FGF13: variants seen among roughly 807,000 people sequenced by gnomAD.
FGF13 encodes the protein fibroblast growth factor homologous factor 2.
FGF13 carries 2 observed loss-of-function variants against 19.5 expected under a neutral mutation model. The observed-to-expected ratio is 0.10, with a 90% CI of 0.04 to 0.32. FGF13 has a LOEUF of 0.32. Among genes scored for constraint, FGF13 ranks in the 10% least tolerant of loss-of-function variants. The pLI, the probability that FGF13 is intolerant of heterozygous loss-of-function variation, is 1.00. For missense variants in FGF13, 113 were observed against 192.7 expected, an observed-to-expected ratio of 0.59 and a Z score of 2.45; for synonymous variants, 72 against 76.9, an observed-to-expected ratio of 0.94 and a Z score of 0.33.
At chrX:139,099,081 T>C (rs548726307) in intron 1 of FGF13, among the ~76,000 whole-genome samples, 1 of 110,416 alleles carries the variant, frequency 9.1e-6, no homozygotes. Flanking sequence ...TGGCTACAAA[T>C]GATGGTCTCA....
intron 3 of FGF13, among the ~76,000 whole-genome samples, chrX:138,846,366 A>G (rs898592890): frequency 5.4e-5 from 6 of 111,351 alleles, no homozygotes; most frequent in East Asian, 5.7e-4. Context: ...CAACTGAGAC[A>G]GCTCCTGCCC....
At chrX:139,046,711 C>T (rs2092288610) in intron 1 of FGF13, among the ~76,000 whole-genome samples, 1 of 111,571 alleles carries the variant, frequency 9.0e-6, no homozygotes, top group African/African-American at 3.3e-5. Context: ...AATTTTATTT[C>T]CCAATGAACT....
At chrX:139,188,299 T>C (rs1325463498) in intron 1 of FGF13, among the ~76,000 whole-genome samples, 1 of 112,428 alleles carries the variant, frequency 8.9e-6, no homozygotes, top group Admixed American at 9.5e-5. Flanking sequence ...TGAAAATAAA[T>C]ATATCTGCAG....
chrX:138,775,062 T>A (rs1602827694), intron 3 of FGF13, among the ~76,000 whole-genome samples: 1 of 112,326 alleles, frequency 8.9e-6, no homozygotes, highest in Non-Finnish European at 1.9e-5. Flanking sequence ...AAGGTTCAAG[T>A]GATTCTTGTG....
intron 1 of FGF13, among the ~76,000 whole-genome samples, chrX:138,940,366 C>G (rs1054599684): frequency 8.9e-6 from 1 of 111,867 alleles, no homozygotes; most frequent in Non-Finnish European, 1.9e-5. Context: ...AATAATTTCT[C>G]CCACTCTGTT....
intron 2 of FGF13, among the ~76,000 whole-genome samples, chrX:138,705,881 T>C (rs1182526971): frequency 8.9e-6 from 1 of 112,802 alleles, no homozygotes; most frequent in Non-Finnish European, 1.9e-5. Context: ...TTAAAACACA[T>C]TCATTAAATA....
rs541092654 is a variant in FGF13, at chrX:138,694,579, T to C, written c.402+8405A>G. ...CATTCTCCTGCCTCAGCCTCCCCAGTAGCTGGGACTACAGGCGCCTGCCAC... is the reference window on the plus strand; with the variant it reads ...CATTCTCCTGCCTCAGCCTCCCCAGCAGCTGGGACTACAGGCGCCTGCCAC... On this transcript the variant is annotated intron_variant, in intron 3 of 4. Transcript: ENST00000315930. 1.3e-3 allele frequency among the ~76,000 whole-genome samples: 142 copies of C among 107,276 alleles called. 1 individual carries two copies. The highest frequency in any genetic ancestry group is 4.7e-3 in the South Asian group (11 of 2,324). 93.2% of individuals were successfully genotyped at this position (107,276 alleles called of 115,157 possible). A position where few individuals can be genotyped will look rare whatever the true frequency, so the allele number is the denominator to read the frequency against.
At chrX:138,893,601 C>T (rs1434583471) in intron 1 of FGF13, among the ~76,000 whole-genome samples, 2 of 110,369 alleles carry the variant, frequency 1.8e-5, no homozygotes, top group African/African-American at 6.6e-5. Context: ...GCTTTTTGTC[C>T]GAGAATGATT....
At chrX:139,202,574 C>G (rs769593460) in intron 1 of FGF13, among the ~76,000 whole-genome samples, 57 of 111,454 alleles carry the variant, frequency 5.1e-4, no homozygotes, top group Non-Finnish European at 5.5e-4. Context: ...ACTTCCGGAA[C>G]CTTCAGTCAC....
intron 3 of FGF13, among the ~76,000 whole-genome samples, chrX:138,762,469 T>A (rs953133947): frequency 8.9e-5 from 10 of 112,482 alleles, no homozygotes; most frequent in Non-Finnish European, 1.9e-4. Context: ...AAAGAAGAAA[T>A]TAATTGGCTG....
At chrX:138,979,326 A>T (rs1171804168) in intron 1 of FGF13, among the ~76,000 whole-genome samples, 1 of 111,502 alleles carries the variant, frequency 9.0e-6, no homozygotes, top group Non-Finnish European at 1.9e-5. Context: ...GGTACCTGGG[A>T]TTAGTCCATT....
chrX:138,954,182 C>T (rs1199389347), intron 1 of FGF13, among the ~76,000 whole-genome samples: 2 of 108,428 alleles, frequency 1.8e-5, no homozygotes, highest in African/African-American at 6.7e-5. Flanking sequence ...TGGGTTGAAT[C>T]CAGGCTTCAT....
At chrX:139,028,496 A>G (rs1029540289) in intron 1 of FGF13, among the ~76,000 whole-genome samples, 1 of 110,677 alleles carries the variant, frequency 9.0e-6, no homozygotes, top group African/African-American at 3.3e-5. Context: ...GATGGTCCAA[A>G]CCTCATGTCA....
At chrX:139,108,911 T>C (rs1379815265) in intron 1 of FGF13, among the ~76,000 whole-genome samples, 6 of 97,183 alleles carry the variant, frequency 6.2e-5, no homozygotes, top group African/African-American at 2.3e-4. Flanking sequence ...ATTGTTCCGC[T>C]CCCACTTATA....
intron 1 of FGF13, among the ~76,000 whole-genome samples, chrX:139,150,360 G>A (rs1048781821): frequency 3.6e-5 from 4 of 111,968 alleles, no homozygotes; most frequent in African/African-American, 1.3e-4. Flanking sequence ...CCAAAGTAGT[G>A]ACTAACACAT....
At chrX:138,850,944 G>A (rs1289693122) in intron 3 of FGF13, among the ~76,000 whole-genome samples, 1 of 111,663 alleles carries the variant, frequency 9.0e-6, no homozygotes, top group East Asian at 2.8e-4. Flanking sequence ...CTGTGTCTAT[G>A]TGTTCTCATT....
At chrX:138,923,168 A>C (rs1449086199) in intron 1 of FGF13, among the ~76,000 whole-genome samples, 1 of 112,009 alleles carries the variant, frequency 8.9e-6, no homozygotes, top group African/African-American at 3.2e-5. Flanking sequence ...TGTGCTTCAT[A>C]ATACCAGCTT....
At chrX:138,659,246 G>A (rs1240308199) in intron 3 of FGF13, among the ~76,000 whole-genome samples, 1 of 112,173 alleles carries the variant, frequency 8.9e-6, no homozygotes, top group Non-Finnish European at 1.9e-5. Flanking sequence ...GAAGCAGGGC[G>A]ATCAGTTGAG....
At chrX:138,858,644 A>G (rs1027035712) in intron 2 of FGF13, among the ~76,000 whole-genome samples, 1 of 111,530 alleles carries the variant, frequency 9.0e-6, no homozygotes, top group Admixed American at 9.6e-5. Context: ...AGCTTTGATT[A>G]ATGACGAGCT....
Sources: gnomAD v4.1 joint callset for allele counts (sites outside exome capture counted in the v4.1 genomes callset) on GRCh38, gnomAD v4.1.1 for gene constraint, MANE v1.5 for transcripts, NCBI Gene and HGNC (gene_info 2026-07-23, HGNC 2026-07-21) for gene names.